LRP1B: variants seen among roughly 807,000 people sequenced by gnomAD.
The protein encoded by LRP1B is low-density lipoprotein receptor-related protein 1B.
In LRP1B, 217 loss-of-function variants were observed where a neutral mutation model predicts 556.6. The ratio of observed to expected loss-of-function variants is 0.39; its 90% confidence interval spans 0.35 to 0.44. LRP1B has a LOEUF of 0.44. Ranked by LOEUF, LRP1B falls within the 20% of genes least tolerant of loss-of-function variation. The probability of loss-of-function intolerance (pLI) is 1.00; values close to 1 mark genes in which losing one functional copy is unlikely to be tolerated. For synonymous variants in LRP1B, 2,047 were observed against 1,865.8 expected (o/e 1.10, Z -2.50); for missense variants, 5,053 against 5,620.8 (o/e 0.90, Z 3.23).
In LRP1B at chr2:141,007,825, T is replaced by C. The variant is rs1316217714; in HGVS notation, c.2381-2368A>G. ...TGCCTCATACCATTCTAAATGAATA[T>C]GAAATTTAAGTATTTAAAAATAAAT... On this transcript the variant is annotated intron_variant, in intron 14 of 90. Coordinates refer to ENST00000389484, the MANE Select transcript of LRP1B (RefSeq NM_018557.3). Among the ~76,000 whole-genome samples, 13 of 151,766 alleles carry C rather than the reference T, an allele frequency of 8.6e-5. 1 individual carries two copies. Among genetic ancestry groups the C allele is most frequent in the Admixed American group, 8.6e-4 (13 of 15,200 alleles).
chr2:140,976,274 C>A (rs950507264), intron 18 of LRP1B, among the ~76,000 whole-genome samples: 1 of 151,832 alleles, frequency 6.6e-6, no homozygotes, highest in Non-Finnish European at 1.5e-5. Flanking sequence ...GTCCTTTCCT[C>A]TCCTCTCCCT....
At chr2:141,746,526 G>A (rs2105556089) in intron 2 of LRP1B, among the ~76,000 whole-genome samples, 1 of 152,182 alleles carries the variant, frequency 6.6e-6, no homozygotes, top group South Asian at 2.1e-4. Flanking sequence ...TGGGAGATGG[G>A]AGAGGGGTGG....
intron 21 of LRP1B, among the ~76,000 whole-genome samples, chr2:140,922,705 G>A (rs1694773684): frequency 6.6e-6 from 1 of 151,890 alleles, no homozygotes; most frequent in African/African-American, 2.4e-5. Context: ...TAAATCCTAA[G>A]TCTGACATGT....
At chr2:141,523,656 T>C (rs1684599591) in intron 2 of LRP1B, among the ~76,000 whole-genome samples, 1 of 152,130 alleles carries the variant, frequency 6.6e-6, no homozygotes, top group African/African-American at 2.4e-5. Flanking sequence ...TTAACGTAAA[T>C]TATTACATAC....
At chr2:140,602,752 C>CT (rs35916159) in intron 41 of LRP1B, among the ~76,000 whole-genome samples, 1 of 151,178 alleles carries the variant, frequency 6.6e-6, no homozygotes, top group Non-Finnish European at 1.5e-5. Context: ...TTTTTTATTT[C>CT]TTTTTTTACA....
chr2:140,524,128 T>TTA (rs1553480242), intron 49 of LRP1B, among the ~76,000 whole-genome samples: 1 of 150,838 alleles, frequency 6.6e-6, no homozygotes, highest in Non-Finnish European at 1.5e-5. Flanking sequence ...CAATAAGAAA[T>TTA]AAAAAAAACA....
intron 1 of LRP1B, among the ~76,000 whole-genome samples, chr2:142,023,378 G>C (rs1703405542): frequency 6.6e-6 from 1 of 152,122 alleles, no homozygotes; most frequent in Admixed American, 6.6e-5. Context: ...CAGCTGTCTG[G>C]CATGAATTTG....
intron 84 of LRP1B, among the ~76,000 whole-genome samples, chr2:140,285,316 TAC>T (rs138851624): frequency 0.18 from 21,942 of 124,646 alleles, 2,073 homozygotes; most frequent in East Asian, 0.34. Flanking sequence ...TATATATACA[TAC>T]ACACACATAT....
chr2:141,553,924 T>C (rs1306795101), intron 2 of LRP1B, among the ~76,000 whole-genome samples: 1 of 137,422 alleles, frequency 7.3e-6, no homozygotes, highest in Non-Finnish European at 1.5e-5. Flanking sequence ...AATATATCTA[T>C]ATTAATATAG....
intron 3 of LRP1B, among the ~76,000 whole-genome samples, chr2:141,429,107 A>G (rs946905164): frequency 6.6e-6 from 1 of 152,168 alleles, no homozygotes; most frequent in African/African-American, 2.4e-5. Context: ...ATTATTGGGT[A>G]TTCCAAGTAA....
chr2:140,600,435 A>G (rs1837778), intron 42 of LRP1B, among the ~76,000 whole-genome samples: 33,572 of 152,082 alleles, frequency 0.22, 4,035 homozygotes, highest in Admixed American at 0.3. Flanking sequence ...TTTTAGCTCT[A>G]TAAAAGGGTT....
At position 140,709,238 on chromosome 2, in the gene LRP1B, TGTGTTTCAGTTAGAGATTATATAC is replaced by T. The variant is rs555078098; in HGVS notation, c.6024-6709_6024-6686del. 3.3e-5 allele frequency among the ~76,000 whole-genome samples: 5 copies of T among 152,192 alleles called. No homozygotes were observed. The South Asian group carries it at 1.0e-3, about 32-fold the overall frequency. ...CTTAAAAGGAAATAAAATTACAGTA[TGTGTTTCAGTTAGAGATTATATAC>T]CATGGGAAGTTAATCAAAATTTTTA... On this transcript the variant is annotated intron_variant, in intron 37 of 90. Transcript: ENST00000389484.
At chr2:140,339,920 G>A (rs1441179468) in intron 77 of LRP1B, among the ~76,000 whole-genome samples, 1 of 151,456 alleles carries the variant, frequency 6.6e-6, no homozygotes, top group African/African-American at 2.4e-5. Flanking sequence ...TTCAATCTGA[G>A]TAATTTTAAG....
chr2:142,093,945 T>C (rs768529408), intron 1 of LRP1B, among the ~76,000 whole-genome samples: 34 of 152,090 alleles, frequency 2.2e-4, no homozygotes, highest in Non-Finnish European at 4.3e-4. Flanking sequence ...ATGGGTGGCT[T>C]ATAAGCAACA....
At chr2:141,804,433 T>TCCTAGAAAAAGTCACCTGC (rs1696106391) in intron 2 of LRP1B, among the ~76,000 whole-genome samples, 1 of 152,078 alleles carries the variant, frequency 6.6e-6, no homozygotes, top group Non-Finnish European at 1.5e-5. Flanking sequence ...TTGGAAGAGT[T>TCCTAGAAAAAGTCACCTGC]CCTAGAAAAA....
chr2:140,936,727 T>G (rs1242124049), intron 20 of LRP1B, among the ~76,000 whole-genome samples: 1 of 152,202 alleles, frequency 6.6e-6, no homozygotes, highest in African/African-American at 2.4e-5. Context: ...AATATTATTC[T>G]AAAAGCTAGT....
chr2:140,462,741 T>A (rs1038772356), intron 60 of LRP1B, among the ~76,000 whole-genome samples: 1 of 152,154 alleles, frequency 6.6e-6, no homozygotes, highest in Admixed American at 6.5e-5. Flanking sequence ...TCCCACTAAC[T>A]AATATTTCTC....
intron 64 of LRP1B, 55 bp from the exon 65 acceptor site, chr2:140,444,504 C>T (rs2105304606): frequency 6.2e-7 from 1 of 1,612,450 alleles, no homozygotes; most frequent in Non-Finnish European, 8.5e-7. Flanking sequence ...TAAAATCACA[C>T]AGACATAATC....
chr2:141,784,373 T>C (rs995450419), intron 2 of LRP1B, among the ~76,000 whole-genome samples: 10 of 152,030 alleles, frequency 6.6e-5, no homozygotes, highest in African/African-American at 2.4e-4. Context: ...ATCACATTTC[T>C]GTACACTGTG....
Sources: allele counts gnomAD v4.1 joint callset (sites outside exome capture counted in the v4.1 genomes callset), GRCh38; gene constraint gnomAD v4.1.1; transcripts MANE v1.5; gene names NCBI Gene and HGNC (gene_info 2026-07-23, HGNC 2026-07-21).